SCD5: variants seen among roughly 807,000 people sequenced by gnomAD.
The protein encoded by SCD5 is stearoyl-CoA desaturase 5, also known as acyl-CoA-desaturase 4.
In SCD5, 20 loss-of-function variants were observed where a neutral mutation model predicts 30.4. That is an observed-to-expected ratio of 0.66 (90% CI 0.46 to 0.96). SCD5 has a LOEUF of 0.96. Ranked by LOEUF, SCD5 falls within the 40% of genes least tolerant of loss-of-function variation. The pLI is 0.00. For synonymous variants in SCD5, 173 were observed against 176.4 expected (o/e 0.98, Z 0.16); for missense variants, 381 against 443.3 (o/e 0.86, Z 1.26).
chr4:82,683,761 C>G (rs938476178), intron 2 of SCD5, among the ~76,000 whole-genome samples: 2 of 152,108 alleles, frequency 1.3e-5, no homozygotes, highest in Admixed American at 1.3e-4. Flanking sequence ...TGAGTTCTCA[C>G]GAGATCTGAT....
intron 2 of SCD5, chr4:82,698,044 C>T (rs1333588780): frequency 6.6e-6 from 3 of 456,578 alleles, no homozygotes; most frequent in Non-Finnish European, 1.3e-5. Flanking sequence ...CCAGGAAAAG[C>T]TGTCAGGGCA....
rs569725453 is a variant in SCD5 at position 82,658,670 on chromosome 4, G to A, written c.570-21847C>T. On this transcript the variant is annotated intron_variant, in intron 3 of 4. Transcript: ENST00000319540. Reference sequence around the variant, plus strand: ...TTTTTTTTTTTTGTATTTTAGTGGAGATGGGGTTTCACCATGTTGGCCAGG... The same window carrying A: ...TTTTTTTTTTTTGTATTTTAGTGGAAATGGGGTTTCACCATGTTGGCCAGG... Among the ~76,000 whole-genome samples, 32 of 136,630 alleles carry A rather than the reference G, an allele frequency of 2.3e-4. 1 individual carries two copies. The South Asian group carries it at 7.5e-3, about 32-fold the overall frequency. The allele number at this position is 136,630 out of a possible 152,430, so 89.6% of individuals were successfully genotyped here.
rs146075613 is a variant in SCD5 at position 82,798,451 on chromosome 4, G to A, written c.87C>T (p.Gly29=). The A allele has an allele frequency of 3.6e-4, 573 of 1,613,000 alleles. 2 individuals carry two copies. In the African/African-American group the frequency reaches 6.8e-3, roughly 19 times the overall value. ...CGCCTGGCCTCTCCGGGCCGCCGCC[G>A]CCCTCAGAGCTTTCGAGCCCGGCAC... The part of the protein sequence containing the change: ...EIRAGLESSE[G]GGGPERPGAR... Residue 29 remains glycine, a synonymous_variant, in exon 1 of 5, where the codon GGC becomes GGT. Coordinates refer to ENST00000319540, the MANE Select transcript of SCD5 (RefSeq NM_001037582.3).
chr4:82,772,508 T>A (rs1192286627), intron 1 of SCD5, among the ~76,000 whole-genome samples: 1 of 152,212 alleles, frequency 6.6e-6, no homozygotes, highest in Non-Finnish European at 1.5e-5. Flanking sequence ...CAACAACAAT[T>A]CACCATTTGT....
intron 1 of SCD5, among the ~76,000 whole-genome samples, chr4:82,711,349 G>GTT (rs397702035): frequency 0.39 from 58,556 of 151,720 alleles, 11,860 homozygotes; most frequent in Middle Eastern, 0.51. Flanking sequence ...CTTGAAGGGT[G>GTT]TTACTGGCAT....
At chr4:82,700,273 G>A (rs112344032) in intron 2 of SCD5, among the ~76,000 whole-genome samples, 22 of 151,978 alleles carry the variant, frequency 1.4e-4, no homozygotes, top group South Asian at 2.1e-4. Flanking sequence ...AGAATTTTCC[G>A]AATTAATGAC....
chr4:82,796,055 G>A (rs1278748874), intron 1 of SCD5, among the ~76,000 whole-genome samples: 1 of 151,814 alleles, frequency 6.6e-6, no homozygotes. Flanking sequence ...TGGATCACGA[G>A]GTCAGGAGAT....
intron 1 of SCD5, among the ~76,000 whole-genome samples, chr4:82,768,535 T>C (rs865827480): frequency 3.3e-5 from 5 of 152,218 alleles, no homozygotes; most frequent in South Asian, 2.1e-4. Context: ...ATGATCTTGG[T>C]ATTACAAATC....
intron 1 of SCD5, among the ~76,000 whole-genome samples, chr4:82,732,583 C>T (rs977918874): frequency 6.6e-6 from 1 of 152,242 alleles, no homozygotes; most frequent in Non-Finnish European, 1.5e-5. Flanking sequence ...AGGTTGGTTA[C>T]CACCTTGTGC....
intron 1 of SCD5, among the ~76,000 whole-genome samples, chr4:82,718,386 C>T (rs1720278388): frequency 1.3e-5 from 2 of 151,754 alleles, no homozygotes; most frequent in African/African-American, 4.9e-5. Flanking sequence ...CTCATCTCTC[C>T]GTCCTGATTT....
At chr4:82,785,459 G>A (rs957763759) in intron 1 of SCD5, among the ~76,000 whole-genome samples, 2 of 152,132 alleles carry the variant, frequency 1.3e-5, no homozygotes, top group Non-Finnish European at 2.9e-5. Context: ...AGTCCTTTTC[G>A]TTTGTCCTGT....
At position 82,686,314 on chromosome 4, in the gene SCD5, G is replaced by A. The variant is rs888242370; in HGVS notation, c.364-5402C>T. 5.3e-5 allele frequency among the ~76,000 whole-genome samples: 8 copies of A among 152,226 alleles called. No homozygotes were observed. In the South Asian group the frequency reaches 6.2e-4, roughly 12 times the overall value. On this transcript the variant is annotated intron_variant, in intron 2 of 4. Transcript: ENST00000319540. ...AGCCACTGCACCCAGCCACTTGTAC[G>A]CTTTTCAATGTGTGCATTATACTTC... is the stretch of plus-strand genomic sequence containing the variant.
intron 4 of SCD5, among the ~76,000 whole-genome samples, chr4:82,634,808 G>A (rs549435821): frequency 2.6e-5 from 4 of 152,316 alleles, no homozygotes; most frequent in African/African-American, 7.2e-5. Context: ...CACTGGCCAC[G>A]GCTTCCCTCA....
intron 1 of SCD5, among the ~76,000 whole-genome samples, chr4:82,785,478 T>C (rs1455908883): frequency 6.6e-6 from 1 of 152,230 alleles, no homozygotes; most frequent in Non-Finnish European, 1.5e-5. Flanking sequence ...GTCACTTCCT[T>C]ATAAATTTAC....
intron 1 of SCD5, among the ~76,000 whole-genome samples, chr4:82,776,411 C>T (rs527640599): frequency 6.6e-6 from 1 of 152,328 alleles, no homozygotes; most frequent in Admixed American, 6.5e-5. Context: ...TTTAAGTTAG[C>T]ATCCTAAAAA....
chr4:82,759,256 G>C (rs61264039), intron 1 of SCD5, among the ~76,000 whole-genome samples: 10,288 of 152,232 alleles, frequency 0.068, 719 homozygotes, highest in African/African-American at 0.18. Flanking sequence ...GCGGGATGCA[G>C]GGCCTCAGCA....
chr4:82,747,761 C>T (rs978679959), intron 1 of SCD5, among the ~76,000 whole-genome samples: 1 of 152,216 alleles, frequency 6.6e-6, no homozygotes, highest in Non-Finnish European at 1.5e-5. Context: ...TTGCACCTCT[C>T]TTTCTATAAA....
chr4:82,651,284 G>C (rs968714069), intron 3 of SCD5, among the ~76,000 whole-genome samples: 9 of 152,124 alleles, frequency 5.9e-5, no homozygotes, highest in Admixed American at 2.0e-4. Flanking sequence ...GAGTTGGCTA[G>C]GTATAAGAAA....
rs530790730 is a variant in SCD5 at position 82,798,604 on chromosome 4, G to A, written c.-67C>T. ...GGCGCTCTGCCCGAGCGGAGCTCGA[G>A]GGTGGGGGCGGGGGCTTCTGCCTTT... On this transcript the variant is annotated 5_prime_UTR_variant, in exon 1 of 5. Coordinates refer to ENST00000319540, the MANE Select transcript of SCD5 (RefSeq NM_001037582.3). The A allele has an allele frequency of 1.7e-4, 235 of 1,382,060 alleles. No homozygotes were observed. In the African/African-American group the frequency reaches 2.9e-3, roughly 17 times the overall value. 85.6% of individuals were successfully genotyped at this position (1,382,060 alleles called of 1,614,324 possible).
Sources: gnomAD v4.1 joint callset for allele counts (sites outside exome capture counted in the v4.1 genomes callset) on GRCh38, gnomAD v4.1.1 for gene constraint, MANE v1.5 for transcripts, NCBI Gene and HGNC (gene_info 2026-07-23, HGNC 2026-07-21) for gene names.